The following RHOBTB1 variants were observed in gnomAD, a reference collection of about 807,000 sequenced individuals.
RHOBTB1 encodes rho-related BTB domain-containing protein 1.
Under a neutral mutation model 71.6 loss-of-function variants are expected in RHOBTB1, and 40 were observed. That is an observed-to-expected ratio of 0.56 (90% CI 0.43 to 0.73). RHOBTB1 has a LOEUF of 0.73. RHOBTB1 is among the 30% of genes least tolerant of loss of function. The pLI is 0.00. For synonymous variants in RHOBTB1, 319 were observed against 334.9 expected, an observed-to-expected ratio of 0.95 and a Z score of 0.52; for missense variants, 797 against 894.0, an observed-to-expected ratio of 0.89 and a Z score of 1.38.
At chr10:60,974,344 T>C (rs569026303) in intron 2 of RHOBTB1, among the ~76,000 whole-genome samples, 2 of 152,232 alleles carry the variant, frequency 1.3e-5, no homozygotes, top group Non-Finnish European at 2.9e-5. Flanking sequence ...TAAATAGACA[T>C]GAAAGACAAC....
rs750908752 is a variant in RHOBTB1 at position 60,870,431 on chromosome 10, C to T, written c.*1051G>A. On this transcript the variant is annotated 3_prime_UTR_variant, in exon 11 of 11. Transcript: ENST00000337910. The stretch of plus-strand genomic sequence containing the variant: ...CTACTTCTGCAGCAACATGAATTTT[C>T]CCTGGGAAGAGTTAAAAATATGGGT... 2.6e-5 allele frequency: 4 copies of T among 152,276 alleles called. No individual in the cohort carries two copies. Among genetic ancestry groups the T allele is most frequent in the Non-Finnish European group, 4.4e-5 (3 of 68,042 alleles). 9.4% of individuals were successfully genotyped at this position (152,276 alleles called of 1,614,324 possible). A position where few individuals can be genotyped will look rare whatever the true frequency, so the allele number is the denominator to read the frequency against.
chr10:61,000,984 C>T (rs10994607), intron 1 of RHOBTB1, among the ~76,000 whole-genome samples: 10,314 of 152,170 alleles, frequency 0.068, 537 homozygotes, highest in African/African-American at 0.15. Flanking sequence ...AGATTCTTAT[C>T]TTTTCTGACT....
At chr10:60,933,495 G>A (rs186448554) in intron 2 of RHOBTB1, among the ~76,000 whole-genome samples, 8,950 of 152,188 alleles carry the variant, frequency 0.059, 508 homozygotes, top group African/African-American at 0.14. Flanking sequence ...GCTGAGGCAG[G>A]CAGATCACAA....
chr10:60,945,954 C>T (rs897260348), upstream of RHOBTB1, among the ~76,000 whole-genome samples: 13 of 152,224 alleles, frequency 8.5e-5, no homozygotes, highest in Admixed American at 3.3e-4. Context: ...CCGAGGCGCG[C>T]GGATCACGAG....
intron 2 of RHOBTB1, among the ~76,000 whole-genome samples, chr10:60,928,464 T>C (rs1397981110): frequency 6.6e-6 from 1 of 151,896 alleles, no homozygotes; most frequent in Admixed American, 6.6e-5. Flanking sequence ...ATCCTGTTGT[T>C]TGAAACAACA....
Position 60,886,240 on chromosome 10 carries a change from G to A in RHOBTB1, c.1457-10C>T, listed in dbSNP as rs772576135. On this transcript the variant is annotated splice_polypyrimidine_tract_variant and intron_variant, in intron 6 of 10. Transcript: ENST00000337910. ...AATTTAAATGTCACGTCTGCCAAGGGATTGAGGAAACACAACCATGAGCCA... is the reference window on the plus strand; with the variant it reads ...AATTTAAATGTCACGTCTGCCAAGGAATTGAGGAAACACAACCATGAGCCA... 6.2e-7 allele frequency: 1 copy of A among 1,608,996 alleles called. No homozygotes were observed. Among genetic ancestry groups the A allele is most frequent in the African/African-American group, 1.3e-5 (1 of 74,782 alleles).
At chr10:60,880,202 TGAGAGAGAGAGAGA>T (rs71018931) in intron 7 of RHOBTB1, among the ~76,000 whole-genome samples, 36 of 126,982 alleles carry the variant, frequency 2.8e-4, no homozygotes, top group Non-Finnish European at 3.5e-4. Context: ...TGTGTGTGTG[TGAGAGAGAGAGAGA>T]GAGAGAGAGA....
intron 2 of RHOBTB1, among the ~76,000 whole-genome samples, chr10:60,964,972 C>G (rs2085907717): frequency 6.6e-6 from 1 of 151,998 alleles, no homozygotes; most frequent in Admixed American, 6.6e-5. Context: ...ATTAGTAATA[C>G]TAAAACAAAG....
upstream of RHOBTB1, among the ~76,000 whole-genome samples, chr10:60,945,405 G>C (rs2085181906): frequency 6.6e-6 from 1 of 152,164 alleles, no homozygotes; most frequent in Non-Finnish European, 1.5e-5. Context: ...AGATACTGAA[G>C]GACTGGGAAA....
chr10:60,930,657 C>T (rs1897368), intron 2 of RHOBTB1, among the ~76,000 whole-genome samples: 8,989 of 152,194 alleles, frequency 0.059, 518 homozygotes, highest in African/African-American at 0.14. Flanking sequence ...AATAGAGAGG[C>T]ATGGCTTACC....
intron 4 of RHOBTB1, 79 bp downstream of exon 4, chr10:60,910,808 G>C (rs1418895258): frequency 1.7e-5 from 18 of 1,041,324 alleles, no homozygotes; most frequent in Non-Finnish European, 2.5e-5. Flanking sequence ...TGTGGTTTTT[G>C]TTGATTTGTA....
At position 60,878,162 on chromosome 10, in the gene RHOBTB1, G is replaced by C. The variant is rs1034169080; in HGVS notation, c.1576-104C>G. On this transcript the variant is annotated intron_variant, in intron 7 of 10. Transcript: ENST00000337910. The stretch of plus-strand genomic sequence containing the variant: ...ATATCCTGTGTGACTTGATATTGGT[G>C]AGTGTTGGACACCTGCTTTGAGGCT... 35 of 868,360 alleles carry C rather than the reference G, an allele frequency of 4.0e-5. No homozygotes were observed. The South Asian group carries it at 4.7e-4, about 12-fold the overall frequency. The allele number at this position is 868,360 out of a possible 1,614,324, so 53.8% of individuals were successfully genotyped here. A position where few individuals can be genotyped will look rare whatever the true frequency, so the allele number is the denominator to read the frequency against.
intron 7 of RHOBTB1, among the ~76,000 whole-genome samples, chr10:60,880,200 TGTGA>T (rs1479830000): frequency 1.7e-4 from 24 of 138,364 alleles, no homozygotes; most frequent in African/African-American, 4.0e-4. Context: ...TGTGTGTGTG[TGTGA>T]GAGAGAGAGA....
intron 2 of RHOBTB1, among the ~76,000 whole-genome samples, chr10:60,912,400 AT>A (rs2083040603): frequency 4.6e-5 from 7 of 151,946 alleles, no homozygotes; most frequent in Admixed American, 3.9e-4. Context: ...TGCCCGGCTA[AT>A]TTTTATATTT....
intron 2 of RHOBTB1, among the ~76,000 whole-genome samples, chr10:60,957,061 G>C (rs1243417999): frequency 6.6e-6 from 1 of 151,986 alleles, no homozygotes; most frequent in Non-Finnish European, 1.5e-5. Flanking sequence ...TTGTCTTCTG[G>C]GGCAATAACA....
chr10:60,996,380 C>G (rs1422449449), intron 1 of RHOBTB1, among the ~76,000 whole-genome samples: 1 of 152,106 alleles, frequency 6.6e-6, no homozygotes, highest in East Asian at 1.9e-4. Flanking sequence ...CAGATGTCTT[C>G]CCACCCACAA....
intron 2 of RHOBTB1, among the ~76,000 whole-genome samples, chr10:60,979,499 C>T (rs1368984276): frequency 3.3e-5 from 5 of 152,108 alleles, no homozygotes; most frequent in Non-Finnish European, 7.4e-5. Context: ...AATATACAAT[C>T]ACTATATTGC....
upstream of RHOBTB1, among the ~76,000 whole-genome samples, chr10:60,947,555 C>A (rs1162175339): frequency 1.3e-5 from 2 of 152,046 alleles, no homozygotes; most frequent in African/African-American, 4.8e-5. Context: ...TTAATCGGAA[C>A]ATAAGTATGT....
At chr10:60,872,040 C>G in intron 10 of RHOBTB1, 145 bp downstream of exon 10, 1 of 704,934 alleles carries the variant, frequency 1.4e-6, no homozygotes, top group Non-Finnish European at 2.6e-6. Context: ...TATGTCATCT[C>G]ACATTAATAT....
Sources: gnomAD v4.1 joint callset for allele counts (sites outside exome capture counted in the v4.1 genomes callset) on GRCh38, gnomAD v4.1.1 for gene constraint, MANE v1.5 for transcripts, NCBI Gene and HGNC (gene_info 2026-07-23, HGNC 2026-07-21) for gene names.